Variants in SNX29 observed in about 807,000 individuals in gnomAD.
SNX29 encodes the protein sorting nexin 29.
A neutral mutation model predicts 102.1 loss-of-function variants in SNX29; 78 were observed. The observed-to-expected ratio is 0.76, with a 90% CI of 0.64 to 0.92. The LOEUF is 0.92. SNX29 is among the 40% of genes least tolerant of loss of function. SNX29 has a pLI of 0.00. For missense variants in SNX29, 1,280 were observed against 1,061.7 expected, an observed-to-expected ratio of 1.21 and a Z score of -2.86; for synonymous variants, 580 against 414.5, an observed-to-expected ratio of 1.40 and a Z score of -4.85.
chr16:12,529,178 G>A (rs2076865879), intron 20 of SNX29, among the ~76,000 whole-genome samples: 1 of 152,186 alleles, frequency 6.6e-6, no homozygotes, highest in Non-Finnish European at 1.5e-5. Flanking sequence ...AGGCCGGTGG[G>A]AAGTGGGGCA....
chr16:12,129,849 A>T (rs1037083806), intron 13 of SNX29, 91 bp downstream of exon 13: 55 of 1,434,280 alleles, frequency 3.8e-5, no homozygotes, highest in Non-Finnish European at 4.7e-5. Flanking sequence ...TCATGCCTGT[A>T]ATCCCAGCAC....
At chr16:12,568,451 T>C in intron 20 of SNX29, 55 bp from the exon 21 acceptor site, 1 of 1,599,144 alleles carries the variant, frequency 6.3e-7, no homozygotes, top group Non-Finnish European at 8.5e-7. Flanking sequence ...TCCTGGCCTG[T>C]GGTCATTTGC....
chr16:12,021,059 C>G (rs2057005277), intron 3 of SNX29, among the ~76,000 whole-genome samples: 1 of 152,180 alleles, frequency 6.6e-6, no homozygotes, highest in Non-Finnish European at 1.5e-5. Context: ...TGGAATTTTA[C>G]AAATGACGAT....
At chr16:12,397,559 T>A (rs2083765548) in intron 16 of SNX29, among the ~76,000 whole-genome samples, 1 of 152,286 alleles carries the variant, frequency 6.6e-6, no homozygotes, top group African/African-American at 2.4e-5. Flanking sequence ...CCCTCACCCT[T>A]CTCTGTTCCA....
In SNX29 at chr16:12,387,144, AAGAG is replaced by A. The variant is rs961944885; in HGVS notation, c.1900-11297_1900-11294del. Among the ~76,000 whole-genome samples the A allele has an allele frequency of 1.2e-4, 18 of 152,146 alleles. 1 individual carries two copies. In the South Asian group the frequency reaches 1.2e-3, roughly 11 times the overall value. On this transcript the variant is annotated intron_variant, in intron 16 of 20. Coordinates refer to ENST00000566228, the MANE Select transcript of SNX29 (RefSeq NM_032167.5). Reference sequence around the variant, plus strand: ...AGTCTCATTAAAAAAATAAAAAAAAAAGAGAGAGCCACACCTAGATTCCCATTAC... The same window carrying A: ...AGTCTCATTAAAAAAATAAAAAAAAAAGAGCCACACCTAGATTCCCATTAC...
intron 16 of SNX29, among the ~76,000 whole-genome samples, chr16:12,377,306 G>T (rs1468780086): frequency 6.6e-6 from 1 of 152,172 alleles, no homozygotes; most frequent in Non-Finnish European, 1.5e-5. Context: ...CATGTCACTT[G>T]TCCTTCGTGA....
At chr16:12,546,005 A>C (rs971802297) in intron 20 of SNX29, among the ~76,000 whole-genome samples, 1 of 152,188 alleles carries the variant, frequency 6.6e-6, no homozygotes, top group East Asian at 1.9e-4. Flanking sequence ...CCTGGATGCC[A>C]AAAACAGAAA....
At chr16:12,517,774 C>T (rs1311618280) in intron 19 of SNX29, among the ~76,000 whole-genome samples, 2 of 151,938 alleles carry the variant, frequency 1.3e-5, no homozygotes, top group Non-Finnish European at 2.9e-5. Context: ...GCAACGAGTG[C>T]TTTGAAGAAA....
chr16:12,547,240 C>T (rs1445213070), intron 20 of SNX29, among the ~76,000 whole-genome samples: 3 of 152,178 alleles, frequency 2.0e-5, no homozygotes, highest in African/African-American at 4.8e-5. Context: ...AGGCAGTGGA[C>T]ACAGCAGGTG....
At chr16:12,225,433 A>G (rs1377784564) in intron 14 of SNX29, among the ~76,000 whole-genome samples, 6 of 152,168 alleles carry the variant, frequency 3.9e-5, no homozygotes, top group Non-Finnish European at 1.5e-5. Context: ...AATAAGTCTC[A>G]TGAGATCTGA....
At chr16:12,134,287 C>A (rs1042306830) in intron 13 of SNX29, among the ~76,000 whole-genome samples, 1 of 152,184 alleles carries the variant, frequency 6.6e-6, no homozygotes, top group South Asian at 2.1e-4. Context: ...AACAAATTAT[C>A]CTCAAACTTG....
chr16:12,539,095 G>T (rs923022735), intron 20 of SNX29, among the ~76,000 whole-genome samples: 5 of 152,188 alleles, frequency 3.3e-5, no homozygotes, highest in African/African-American at 1.2e-4. Flanking sequence ...ATTGCCCAGA[G>T]TCCTACTTGC....
intron 5 of SNX29, 53 bp downstream of exon 5, chr16:12,043,130 T>A: frequency 6.3e-7 from 1 of 1,596,312 alleles, no homozygotes; most frequent in Non-Finnish European, 8.5e-7. Flanking sequence ...GTGAAGATCT[T>A]GGAGTCTGGA....
At chr16:12,398,295 T>G in intron 16 of SNX29, 151 bp from the exon 17 acceptor site, 2 of 784,824 alleles carry the variant, frequency 2.5e-6, no homozygotes. Flanking sequence ...CTCCACACAA[T>G]CTCTTACCGT....
rs971936617 is a variant in SNX29, at chr16:12,569,484, C to G, written c.*855C>G. 8.6e-6 allele frequency: 2 copies of G among 231,344 alleles called. No homozygotes were observed. The highest frequency in any genetic ancestry group is 1.7e-5 in the Non-Finnish European group (2 of 116,944). 14.3% of individuals were successfully genotyped at this position (231,344 alleles called of 1,614,324 possible). ...AGAGACTTGGGTCAGGGAACCACTG[C>G]AGAAGGTTCCAGGGTTTTCAAACCA... is the stretch of plus-strand genomic sequence containing the variant. On this transcript the variant is annotated 3_prime_UTR_variant, in exon 21 of 21. Transcript: ENST00000566228.
In SNX29 at chr16:12,571,873, G is replaced by A. The variant is rs985893644; in HGVS notation, c.*3244G>A. On this transcript the variant is annotated 3_prime_UTR_variant, in exon 21 of 21. Coordinates refer to ENST00000566228, the MANE Select transcript of SNX29 (RefSeq NM_032167.5). Reference sequence around the variant, plus strand: ...CACGTTGCTGGCAAGGCATTTTAGAGTTTGGAGCTGAGGTTCAAAGCCCCC... The same window carrying A: ...CACGTTGCTGGCAAGGCATTTTAGAATTTGGAGCTGAGGTTCAAAGCCCCC... 8.5e-6 allele frequency: 9 copies of A among 1,061,532 alleles called. No individual in the cohort carries two copies. The African/African-American group carries it at 1.2e-4, about 14-fold the overall frequency. 65.8% of individuals were successfully genotyped at this position (1,061,532 alleles called of 1,614,324 possible). A position where few individuals can be genotyped will look rare whatever the true frequency, so the allele number is the denominator to read the frequency against.
At chr16:12,356,140 A>T (rs2082128120) in intron 15 of SNX29, 23 bp from the exon 16 acceptor site, 1 of 1,604,066 alleles carries the variant, frequency 6.2e-7, no homozygotes, top group African/African-American at 1.3e-5. Flanking sequence ...TCTAAGCCTC[A>T]CCTTTCCGTG....
rs138311312 is a variant in SNX29 at position 12,572,042 on chromosome 16, G to A, written c.*3413G>A. On this transcript the variant is annotated 3_prime_UTR_variant, in exon 21 of 21. Coordinates refer to ENST00000566228, the MANE Select transcript of SNX29 (RefSeq NM_032167.5). ...GCTATAAAAGGGATCATCCAGTGGA[G>A]TTGTAAACAAGGGAACCATCTTGCA... The A allele has an allele frequency of 1.2e-5, 13 of 1,063,450 alleles. No homozygotes were observed. Among genetic ancestry groups the A allele is most frequent in the African/African-American group, 6.6e-5 (4 of 60,948 alleles). The allele number at this position is 1,063,450 out of a possible 1,614,324, so 65.9% of individuals were successfully genotyped here. A position where few individuals can be genotyped will look rare whatever the true frequency, so the allele number is the denominator to read the frequency against.
rs2079236065 is a variant in SNX29, at chr16:12,573,801, G to A, written c.*5172G>A. 1 of 220,450 alleles carries A rather than the reference G, an allele frequency of 4.5e-6. No individual in the cohort carries two copies. The highest frequency in any genetic ancestry group is 9.1e-6 in the Non-Finnish European group (1 of 110,194). 13.7% of individuals were successfully genotyped at this position (220,450 alleles called of 1,614,324 possible). ...ACCATTAATTTCCCGGAGTGAAGGGGATGGGGGTAGAGCTAATTGGAATTT... is the reference window on the plus strand; with the variant it reads ...ACCATTAATTTCCCGGAGTGAAGGGAATGGGGGTAGAGCTAATTGGAATTT... On this transcript the variant is annotated 3_prime_UTR_variant, in exon 21 of 21. Coordinates refer to ENST00000566228, the MANE Select transcript of SNX29 (RefSeq NM_032167.5).
Sources: gnomAD v4.1 joint callset for allele counts (sites outside exome capture counted in the v4.1 genomes callset) on GRCh38, gnomAD v4.1.1 for gene constraint, MANE v1.5 for transcripts, NCBI Gene and HGNC (gene_info 2026-07-23, HGNC 2026-07-21) for gene names.